LINGO2: variants seen among roughly 807,000 people sequenced by gnomAD.
LINGO2 encodes leucine-rich repeat and immunoglobulin-like domain-containing nogo receptor-interacting protein 2.
Under a neutral mutation model 30.6 loss-of-function variants are expected in LINGO2, and 14 were observed. That is an observed-to-expected ratio of 0.46 (90% CI 0.30 to 0.72). The LOEUF (loss-of-function observed/expected upper bound fraction) is 0.72, where lower values mean the gene tolerates loss of function less well. LINGO2 is among the 30% of genes least tolerant of loss of function. The pLI is 0.07. For missense variants in LINGO2, 729 were observed against 751.7 expected (o/e 0.97, Z 0.35); for synonymous variants, 317 against 288.5 (o/e 1.10, Z -1.00).
At chr9:28,011,137 G>A (rs1587684315) in intron 5 of LINGO2, among the ~76,000 whole-genome samples, 1 of 152,108 alleles carries the variant, frequency 6.6e-6, no homozygotes, top group African/African-American at 2.4e-5. Flanking sequence ...AGTAGAGAAG[G>A]GTTCAAGAGA....
At chr9:28,292,587 T>C (rs1823770483) in intron 4 of LINGO2, among the ~76,000 whole-genome samples, 2 of 151,894 alleles carry the variant, frequency 1.3e-5, no homozygotes, top group African/African-American at 4.8e-5. Context: ...CTCAGCCTAC[T>C]GAGTAGCTGG....
chr9:28,322,125 T>C (rs1825065697), intron 3 of LINGO2, among the ~76,000 whole-genome samples: 1 of 152,140 alleles, frequency 6.6e-6, no homozygotes, highest in Non-Finnish European at 1.5e-5. Flanking sequence ...GACACATGGG[T>C]TTTTTTCATC....
the LINGO2 span, among the ~76,000 whole-genome samples, chr9:28,682,536 G>A: frequency 6.6e-6 from 1 of 152,082 alleles, no homozygotes; most frequent in East Asian, 1.9e-4. Flanking sequence ...ACTTTCCTAA[G>A]ACTTTTTTAT....
At chr9:28,059,882 A>T (rs1186994798) in intron 4 of LINGO2, among the ~76,000 whole-genome samples, 1 of 151,916 alleles carries the variant, frequency 6.6e-6, no homozygotes, top group African/African-American at 2.4e-5. Flanking sequence ...AAGTACATGC[A>T]AATAGAAGAA....
At chr9:28,258,812 CA>C (rs35413197) in intron 4 of LINGO2, among the ~76,000 whole-genome samples, 7,702 of 151,758 alleles carry the variant, frequency 0.051, 272 homozygotes, top group East Asian at 0.15. Context: ...AAAGTTTATA[CA>C]ATGTGTATAA....
At chr9:29,164,991 T>C in the LINGO2 span, among the ~76,000 whole-genome samples, 1 of 152,138 alleles carries the variant, frequency 6.6e-6, no homozygotes, top group Non-Finnish European at 1.5e-5. Context: ...AGATTTTTGT[T>C]AGAAATTTTA....
intron 5 of LINGO2, among the ~76,000 whole-genome samples, chr9:28,008,755 G>A (rs1453778204): frequency 6.6e-6 from 1 of 152,044 alleles, no homozygotes; most frequent in African/African-American, 2.4e-5. Flanking sequence ...ATTGTTGAAA[G>A]ACATTAAAGG....
the LINGO2 span, among the ~76,000 whole-genome samples, chr9:28,737,089 T>C: frequency 2.6e-5 from 4 of 152,202 alleles, no homozygotes; most frequent in African/African-American, 9.6e-5. Context: ...GGGAAAGTTC[T>C]GGGTTCAGGC....
intron 5 of LINGO2, among the ~76,000 whole-genome samples, chr9:28,011,664 A>T (rs899716084): frequency 1.3e-5 from 2 of 152,190 alleles, no homozygotes; most frequent in African/African-American, 4.8e-5. Flanking sequence ...TATATATATT[A>T]GTTAGAAGCT....
chr9:28,069,766 C>T (rs527499086), intron 4 of LINGO2, among the ~76,000 whole-genome samples: 1 of 152,270 alleles, frequency 6.6e-6, no homozygotes, highest in Admixed American at 6.5e-5. Context: ...AGGCCAGAGA[C>T]ATCCAACTTA....
chr9:28,549,645 A>C, intron 1 of LINGO2, among the ~76,000 whole-genome samples: 1 of 150,912 alleles, frequency 6.6e-6, no homozygotes. Context: ...ATATTTTAGT[A>C]TTTTTTTTTA....
chr9:28,310,332 C>A (rs188137692), intron 3 of LINGO2, among the ~76,000 whole-genome samples: 4 of 152,100 alleles, frequency 2.6e-5, no homozygotes, highest in Non-Finnish European at 4.4e-5. Flanking sequence ...GTGTTATATC[C>A]ATGGAACAGA....
At chr9:28,675,171 C>T (rs1829168994), upstream of LINGO2, among the ~76,000 whole-genome samples, 1 of 152,112 alleles carries the variant, frequency 6.6e-6, no homozygotes, top group African/African-American at 2.4e-5. Context: ...TCCCACTTCA[C>T]ATATATATAA....
At chr9:28,560,845 G>T (rs1823014271) in intron 1 of LINGO2, among the ~76,000 whole-genome samples, 1 of 151,696 alleles carries the variant, frequency 6.6e-6, no homozygotes, top group Non-Finnish European at 1.5e-5. Context: ...TTGTGTGTGT[G>T]TGTGTTTTTG....
chr9:28,387,001 C>T (rs1330466755), intron 2 of LINGO2, among the ~76,000 whole-genome samples: 1 of 151,946 alleles, frequency 6.6e-6, no homozygotes, highest in African/African-American at 2.4e-5. Context: ...ATATAGGTAC[C>T]CAATTTAACT....
the LINGO2 span, among the ~76,000 whole-genome samples, chr9:28,933,421 C>T: frequency 6.6e-6 from 1 of 152,322 alleles, no homozygotes; most frequent in East Asian, 1.9e-4. Context: ...ACTAACCCAA[C>T]CATAGCCATT....
chr9:28,295,099 T>C (rs760967875), intron 4 of LINGO2, 109 bp downstream of exon 6: 2 of 152,246 alleles, frequency 1.3e-5, no homozygotes, highest in Non-Finnish European at 2.9e-5. Flanking sequence ...ACCTGCTCTG[T>C]GGACTTAGAA....
chr9:28,876,767 G>A, the LINGO2 span, among the ~76,000 whole-genome samples: 1 of 152,142 alleles, frequency 6.6e-6, no homozygotes, highest in East Asian at 1.9e-4. Context: ...TATATACCCA[G>A]TAATAGGATG....
chr9:28,966,701 G>A, the LINGO2 span, among the ~76,000 whole-genome samples: 2 of 152,116 alleles, frequency 1.3e-5, no homozygotes, highest in Admixed American at 6.5e-5. Flanking sequence ...TTGTTTTTCA[G>A]TAGACCACAT....
Sources: allele counts gnomAD v4.1 joint callset (sites outside exome capture counted in the v4.1 genomes callset), GRCh38; gene constraint gnomAD v4.1.1; transcripts MANE v1.5; gene names NCBI Gene and HGNC (gene_info 2026-07-23, HGNC 2026-07-21).